FGD5: variants seen among roughly 807,000 people sequenced by gnomAD.
FGD5 encodes the protein FYVE, RhoGEF and PH domain-containing protein 5.
FGD5 carries 28 observed loss-of-function variants against 133.4 expected under a neutral mutation model. The observed-to-expected ratio is 0.21, with a 90% CI of 0.16 to 0.29. FGD5 has a LOEUF of 0.29. FGD5 is among the 10% of genes least tolerant of loss of function. The pLI is 1.00. For missense variants in FGD5, 1,858 were observed against 1,895.2 expected, an observed-to-expected ratio of 0.98 and a Z score of 0.36; for synonymous variants, 810 against 776.5, an observed-to-expected ratio of 1.04 and a Z score of -0.72.
At chr3:14,893,531 A>G (rs2125128949) in intron 4 of FGD5, among the ~76,000 whole-genome samples, 1 of 152,092 alleles carries the variant, frequency 6.6e-6, no homozygotes, top group South Asian at 2.1e-4. Flanking sequence ...AATTTTTTGT[A>G]AAGACGGAGT....
chr3:14,879,307 T>G (rs968702036), intron 2 of FGD5, among the ~76,000 whole-genome samples: 19 of 152,346 alleles, frequency 1.2e-4, no homozygotes, highest in African/African-American at 3.8e-4. Flanking sequence ...CCCCCGTCTA[T>G]TTCATCAGGC....
Position 14,907,583 on chromosome 3 carries a change from A to G in FGD5, c.3265-57A>G, listed in dbSNP as rs534153852. On this transcript the variant is annotated intron_variant, in intron 9 of 19. Coordinates refer to ENST00000285046, the MANE Select transcript of FGD5 (RefSeq NM_152536.4). ...AGCAACGCCATGCCTTACAGAGGAG[A>G]TAAGACGCCTGGTAGGGGCCCTGAC... 22 of 1,527,086 alleles carry G rather than the reference A, an allele frequency of 1.4e-5. No individual in the cohort carries two copies. The Admixed American group carries it at 2.6e-4, about 18-fold the overall frequency. The allele number at this position is 1,527,086 out of a possible 1,614,324, so 94.6% of individuals were successfully genotyped here. A position where few individuals can be genotyped will look rare whatever the true frequency, so the allele number is the denominator to read the frequency against.
intron 1 of FGD5, among the ~76,000 whole-genome samples, chr3:14,859,181 T>C (rs1377756999): frequency 6.6e-6 from 1 of 152,248 alleles, no homozygotes; most frequent in Admixed American, 6.5e-5. Context: ...TGTTTTAGTA[T>C]ATGTATACAA....
chr3:14,836,633 C>G (rs1035610900), intron 1 of FGD5, among the ~76,000 whole-genome samples: 1 of 152,134 alleles, frequency 6.6e-6, no homozygotes, highest in African/African-American at 2.4e-5. Context: ...TCTGAACCCC[C>G]TCATTTACAG....
intron 13 of FGD5, 59 bp downstream of exon 13, chr3:14,918,892 C>G: frequency 6.4e-7 from 1 of 1,558,064 alleles, no homozygotes; most frequent in African/African-American, 1.4e-5. Context: ...TGGGAAGGTT[C>G]AGAACAACAG....
rs1264353900 is a variant in FGD5 at position 14,844,259 on chromosome 3, T to A, written c.2526-19869T>A. On this transcript the variant is annotated intron_variant, in intron 1 of 19. Coordinates refer to ENST00000285046, the MANE Select transcript of FGD5 (RefSeq NM_152536.4). ...ATATATATATATATATATATATATATATATATATATATAATGCAGGTTTCC... is the reference window on the plus strand; with the variant it reads ...ATATATATATATATATATATATATAAATATATATATATAATGCAGGTTTCC... 4.2e-4 allele frequency among the ~76,000 whole-genome samples: 31 copies of A among 73,164 alleles called. 1 individual carries two copies. The highest frequency in any genetic ancestry group is 1.6e-3 in the East Asian group (4 of 2,462). The allele number at this position is 73,164 out of a possible 152,430, so 48.0% of individuals were successfully genotyped here.
intron 18 of FGD5, 150 bp from the exon 19 acceptor site, chr3:14,932,427 G>A (rs899795745): frequency 9.6e-6 from 8 of 834,334 alleles, no homozygotes; most frequent in African/African-American, 8.8e-5. Context: ...GGGGGGAAGC[G>A]AGGGTCAACA....
chr3:14,904,793 C>T (rs2038307926), intron 9 of FGD5, among the ~76,000 whole-genome samples: 2 of 152,092 alleles, frequency 1.3e-5, no homozygotes, highest in South Asian at 2.1e-4. Flanking sequence ...TATTTCCATA[C>T]ATAACCATCT....
Position 14,819,323 on chromosome 3 carries a change from G to A in FGD5, c.252G>A (p.Val84=), listed in dbSNP as rs1487997740. The A allele has an allele frequency of 6.5e-7, 1 of 1,540,366 alleles. No homozygotes were observed. Among genetic ancestry groups the A allele is most frequent in the Non-Finnish European group, 8.8e-7 (1 of 1,141,464 alleles). Residue 84 remains valine, a synonymous_variant, in exon 1 of 20, where the codon GTG becomes GTA. Coordinates refer to ENST00000285046, the MANE Select transcript of FGD5 (RefSeq NM_152536.4). The surrounding 1 kb of genome is among the most constrained non-coding windows in gnomAD (Gnocchi z 4.1). ...REDEPKDEGS[V]GNKALVSPES... ...ATGAACCCAAGGACGAGGGCAGTGT[G>A]GGGAACAAAGCCCTGGTGTCTCCCG...
chr3:14,840,218 T>C (rs2036895533), intron 1 of FGD5, among the ~76,000 whole-genome samples: 3 of 151,994 alleles, frequency 2.0e-5, no homozygotes, highest in Non-Finnish European at 4.4e-5. Context: ...GATCTCAGCT[T>C]ACTGCAACCT....
chr3:14,836,774 G>A (rs550773992), intron 1 of FGD5, among the ~76,000 whole-genome samples: 3 of 152,266 alleles, frequency 2.0e-5, no homozygotes, highest in African/African-American at 7.2e-5. Flanking sequence ...GATGAGATGT[G>A]ATTAAAATAA....
At chr3:14,874,458 A>T (rs1004388466) in intron 2 of FGD5, among the ~76,000 whole-genome samples, 3 of 152,176 alleles carry the variant, frequency 2.0e-5, no homozygotes, top group Non-Finnish European at 2.9e-5. Flanking sequence ...GTGCCATTGC[A>T]TTCCAGCCTG....
At chr3:14,871,506 C>T (rs1430721488) in intron 2 of FGD5, among the ~76,000 whole-genome samples, 1 of 152,174 alleles carries the variant, frequency 6.6e-6, no homozygotes, top group Admixed American at 6.5e-5. Flanking sequence ...GTTGCTTCAC[C>T]CTGGCTCCCC....
chr3:14,912,786 C>G (rs977092637), intron 11 of FGD5, among the ~76,000 whole-genome samples: 1 of 152,114 alleles, frequency 6.6e-6, no homozygotes, highest in Non-Finnish European at 1.5e-5. Context: ...CCTGTAATTG[C>G]AGCACTTTGG....
Position 14,820,941 on chromosome 3 carries a change from A to C in FGD5, c.1870A>C (p.Ile624Leu). Residue 624 changes from isoleucine (I) to leucine (L), a missense_variant, in exon 1 of 20, where the codon ATC becomes CTC. By Grantham distance (5) the Ile-to-Leu change is conservative. Coordinates refer to ENST00000285046, the MANE Select transcript of FGD5 (RefSeq NM_152536.4). ...DIPPPFDLAC[I>L]TKKPITKSSP... is the part of the protein sequence containing the mutation. Reference sequence around the variant, plus strand: ...CCCACCTCCTTTCGACCTGGCCTGCATCACCAAGAAGCCCATCACAAAGAG... The same window carrying C: ...CCCACCTCCTTTCGACCTGGCCTGCCTCACCAAGAAGCCCATCACAAAGAG... 2.5e-6 allele frequency: 4 copies of C among 1,613,930 alleles called. No individual in the cohort carries two copies. The highest frequency in any genetic ancestry group is 3.4e-6 in the Non-Finnish European group (4 of 1,179,882).
chr3:14,918,592 A>G (rs1193014601), intron 12 of FGD5, among the ~76,000 whole-genome samples, 162 bp from the exon 13 acceptor site: 2 of 152,214 alleles, frequency 1.3e-5, no homozygotes, highest in Non-Finnish European at 2.9e-5. Context: ...GCTGGCAGCC[A>G]GGCACCTTCC....
At chr3:14,932,454 C>A in intron 18 of FGD5, 123 bp from the exon 19 acceptor site, 2 of 1,140,628 alleles carry the variant, frequency 1.8e-6, no homozygotes, top group Non-Finnish European at 2.4e-6. Flanking sequence ...GTGTGGTGAG[C>A]CCGAAGGTGC....
At chr3:14,931,330 CCTTTT>C (rs1290341820) in intron 18 of FGD5, 1 of 152,058 alleles carries the variant, frequency 6.6e-6, no homozygotes, top group Non-Finnish European at 1.5e-5. Flanking sequence ...AGAATTGATT[CCTTTT>C]ATTTTAAAAA....
intron 9 of FGD5, among the ~76,000 whole-genome samples, chr3:14,903,877 G>C (rs2038289957): frequency 6.6e-6 from 1 of 152,110 alleles, no homozygotes. Flanking sequence ...TGTTTCCTTA[G>C]GCTCCCCTTG....
Sources: gnomAD v4.1 joint callset for allele counts (sites outside exome capture counted in the v4.1 genomes callset) on GRCh38, gnomAD v4.1.1 for gene constraint, Gnocchi (gnomAD v3.1) non-coding constraint, MANE v1.5 for transcripts, NCBI Gene and HGNC (gene_info 2026-07-23, HGNC 2026-07-21) for gene names.